Variants in CCDC7 observed in about 807,000 individuals in gnomAD.
CCDC7 encodes coiled-coil domain-containing protein 7.
Under a neutral mutation model 196.9 loss-of-function variants are expected in CCDC7, and 183 were observed. The observed-to-expected ratio is 0.93, with a 90% confidence interval of 0.82 to 1.05. The LOEUF is 1.05. Ranked by LOEUF, CCDC7 falls within the 50% of genes least tolerant of loss-of-function variation. The probability of loss-of-function intolerance (pLI) is 0.00; values close to 1 mark genes in which losing one functional copy is unlikely to be tolerated. For synonymous variants in CCDC7, 525 were observed against 484.6 expected (o/e 1.08, Z -1.10); for missense variants, 1,540 against 1,482.2 (o/e 1.04, Z -0.64).
At chr10:32,748,591 C>T (rs886156039) in intron 28 of CCDC7, among the ~76,000 whole-genome samples, 3 of 152,094 alleles carry the variant, frequency 2.0e-5, no homozygotes, top group Non-Finnish European at 2.9e-5. Flanking sequence ...AATTTTGTGG[C>T]GAATAAGTAT....
intron 24 of CCDC7, among the ~76,000 whole-genome samples, chr10:32,710,785 C>T (rs1025031514): frequency 1.3e-5 from 2 of 152,174 alleles, no homozygotes; most frequent in Admixed American, 6.5e-5. Context: ...AATTGACCAC[C>T]CTGCTCACAG....
intron 20 of CCDC7, among the ~76,000 whole-genome samples, chr10:32,660,083 C>G (rs1285660863): frequency 2.0e-5 from 3 of 151,970 alleles, no homozygotes; most frequent in Non-Finnish European, 2.9e-5. Context: ...AGGTACAAGA[C>G]AAAGTCCTCT....
chr10:32,653,806 G>T (rs1003654439), intron 20 of CCDC7, among the ~76,000 whole-genome samples: 3 of 152,112 alleles, frequency 2.0e-5, no homozygotes, highest in Admixed American at 2.0e-4. Context: ...ATGTATGTGT[G>T]GATTTCTATG....
chr10:32,521,964 G>A (rs995598072), intron 11 of CCDC7, among the ~76,000 whole-genome samples: 3 of 152,080 alleles, frequency 2.0e-5, no homozygotes, highest in African/African-American at 7.2e-5. Context: ...ATGATCACAT[G>A]GTTTTTGTCT....
At chr10:32,568,830 G>T (rs546730724) in intron 15 of CCDC7, among the ~76,000 whole-genome samples, 3 of 152,132 alleles carry the variant, frequency 2.0e-5, no homozygotes, top group African/African-American at 4.8e-5. Context: ...TAGCCATGCC[G>T]CATTACAGTG....
At chr10:32,571,928 T>A (rs201414442) in intron 16 of CCDC7, 35 bp downstream of exon 17, 15 of 1,559,534 alleles carry the variant, frequency 9.6e-6, no homozygotes, top group Admixed American at 2.0e-5. Flanking sequence ...TCCCTCATTT[T>A]CTAATCTTTA....
intron 8 of CCDC7, among the ~76,000 whole-genome samples, chr10:32,482,111 T>C (rs1460092992): frequency 6.6e-6 from 1 of 152,032 alleles, no homozygotes; most frequent in Non-Finnish European, 1.5e-5. Context: ...TTTTCTTTTT[T>C]TTTAATTCCT....
At chr10:32,690,758 A>C (rs1381849418) in intron 23 of CCDC7, among the ~76,000 whole-genome samples, 2 of 152,186 alleles carry the variant, frequency 1.3e-5, no homozygotes, top group Non-Finnish European at 2.9e-5. Context: ...GCCCCACTAA[A>C]ATGACCTTAA....
intron 13 of CCDC7, among the ~76,000 whole-genome samples, chr10:32,561,594 G>A (rs950397755): frequency 1.3e-5 from 2 of 152,150 alleles, no homozygotes; most frequent in Non-Finnish European, 2.9e-5. Flanking sequence ...GATGTTCTTT[G>A]AAACCAATGA....
chr10:32,595,768 A>G (rs1310240631), intron 18 of CCDC7, among the ~76,000 whole-genome samples: 1 of 152,164 alleles, frequency 6.6e-6, no homozygotes, highest in Admixed American at 6.5e-5. Flanking sequence ...GTTTTAAAGA[A>G]CATCTTTATT....
chr10:32,660,092 C>T (rs1359239436), intron 20 of CCDC7, among the ~76,000 whole-genome samples: 1 of 151,406 alleles, frequency 6.6e-6, no homozygotes, highest in Non-Finnish European at 1.5e-5. Context: ...ACAAAGTCCT[C>T]TTTACTTTTT....
At chr10:32,807,761 T>TCA (rs926845744) in intron 30 of CCDC7, among the ~76,000 whole-genome samples, 3 of 151,036 alleles carry the variant, frequency 2.0e-5, no homozygotes, top group East Asian at 2.0e-4. Flanking sequence ...CTCATGTGAG[T>TCA]CACACACACA....
rs577269627 is a variant in CCDC7, at chr10:32,684,314, G to A, written c.2123-1656G>A. Among the ~76,000 whole-genome samples the A allele has an allele frequency of 1.4e-4, 21 of 152,290 alleles. 2 individuals carry two copies. Among genetic ancestry groups the A allele is most frequent in the Admixed American group, 1.3e-3 (20 of 15,298 alleles). On this transcript the variant is annotated intron_variant, in intron 21 of 41. Coordinates refer to ENST00000639629, the Ensembl canonical transcript of CCDC7. The stretch of plus-strand genomic sequence containing the variant: ...CCAAAGCCCTTGGAGCTCCACATGG[G>A]CCTGAATAGCGGCTCTGCGGAGACT...
At chr10:32,480,418 C>A (rs890305083) in intron 8 of CCDC7, among the ~76,000 whole-genome samples, 2 of 152,014 alleles carry the variant, frequency 1.3e-5, no homozygotes, top group Non-Finnish European at 2.9e-5. Flanking sequence ...AAACTCCTGG[C>A]CTCAAGTGAT....
intron 18 of CCDC7, among the ~76,000 whole-genome samples, chr10:32,619,247 TAA>T (rs2063112130): frequency 6.6e-6 from 1 of 152,052 alleles, no homozygotes; most frequent in Non-Finnish European, 1.5e-5. Context: ...TTGAGCAATA[TAA>T]GAGAAAATGA....
At chr10:32,878,748 T>C (rs2094682777), downstream of CCDC7, among the ~76,000 whole-genome samples, 2 of 152,144 alleles carry the variant, frequency 1.3e-5, no homozygotes, top group South Asian at 2.1e-4. Flanking sequence ...CTGGAGATCA[T>C]ATGAATGCTT....
chr10:32,626,018 C>T (rs1485821360), intron 18 of CCDC7, among the ~76,000 whole-genome samples: 2 of 152,028 alleles, frequency 1.3e-5, no homozygotes, highest in East Asian at 3.8e-4. Flanking sequence ...ATACTGCTGC[C>T]TGCAGTGAAC....
At chr10:32,859,979 G>A (rs2093916210) in intron 41 of CCDC7, among the ~76,000 whole-genome samples, 1 of 152,170 alleles carries the variant, frequency 6.6e-6, no homozygotes, top group Admixed American at 6.5e-5. Context: ...AATTCTACCA[G>A]AGGTACGAAG....
At chr10:32,609,453 A>G (rs530963260) in intron 18 of CCDC7, among the ~76,000 whole-genome samples, 1 of 146,988 alleles carries the variant, frequency 6.8e-6, no homozygotes, top group East Asian at 1.9e-4. Flanking sequence ...TTTTGTTTGC[A>G]TGGAATTTTT....
Sources: gnomAD v4.1 joint callset for allele counts (sites outside exome capture counted in the v4.1 genomes callset) on GRCh38, gnomAD v4.1.1 for gene constraint, MANE v1.5 for transcripts, NCBI Gene and HGNC (gene_info 2026-07-23, HGNC 2026-07-21) for gene names.